MCOLN1: variants seen among roughly 807,000 people sequenced by gnomAD.
MCOLN1 encodes mucolipin-1.
A neutral mutation model predicts 70.3 loss-of-function variants in MCOLN1; 50 were observed. The observed-to-expected ratio is 0.71, with a 90% CI of 0.57 to 0.90. The LOEUF (loss-of-function observed/expected upper bound fraction) is 0.90, where lower values mean the gene tolerates loss of function less well. Ranked by LOEUF, MCOLN1 falls within the 40% of genes least tolerant of loss-of-function variation. The probability of loss-of-function intolerance (pLI) is 0.00; values close to 1 mark genes in which losing one functional copy is unlikely to be tolerated. For synonymous variants in MCOLN1, 366 were observed against 341.0 expected (o/e 1.07, Z -0.81); for missense variants, 598 against 803.5 (o/e 0.74, Z 3.09).
chr19:7,527,779 G>C, intron 5 of MCOLN1, 85 bp from the exon 6 acceptor site: 1 of 1,236,260 alleles, frequency 8.1e-7, no homozygotes. Context: ...CAGCTGCAGA[G>C]TCAGCACGTG....
intron 11 of MCOLN1, 74 bp downstream of exon 11, chr19:7,529,786 C>T (rs1388652993): frequency 9.5e-6 from 15 of 1,577,618 alleles, no homozygotes; most frequent in South Asian, 3.3e-5. Flanking sequence ...CCAGATGACC[C>T]CTTGGTGACT....
In MCOLN1 at chr19:7,528,092, C is replaced by A. The variant is rs1340780889; in HGVS notation, c.778-66C>A. 33 of 1,575,690 alleles carry A rather than the reference C, an allele frequency of 2.1e-5. No homozygotes were observed. The highest frequency in any genetic ancestry group is 1.3e-5 in the Non-Finnish European group (15 of 1,145,236). On this transcript the variant is annotated intron_variant, in intron 6 of 13. Transcript: ENST00000264079. This position sits in a 1 kb window ranked among gnomAD's most constrained non-coding sequence, Gnocchi z 4.2. Reference sequence around the variant, plus strand: ...AGGGAGCCCGGGGTCTGTCAGGCCACCTGTCATGTGGACCTTGGGGCTTGG... The same window carrying A: ...AGGGAGCCCGGGGTCTGTCAGGCCAACTGTCATGTGGACCTTGGGGCTTGG...
In MCOLN1 at chr19:7,528,740, C is replaced by T. The variant is rs376007058; in HGVS notation, c.984+37C>T. 23 of 1,614,068 alleles carry T rather than the reference C, an allele frequency of 1.4e-5. No individual in the cohort carries two copies. The highest frequency in any genetic ancestry group is 2.2e-5 in the East Asian group (1 of 44,884). On this transcript the variant is annotated intron_variant, in intron 8 of 13. Coordinates refer to ENST00000264079, the MANE Select transcript of MCOLN1 (RefSeq NM_020533.3). The surrounding 1 kb of genome is among the most constrained non-coding windows in gnomAD (Gnocchi z 4.2). ...GCGTCATGTGTGCTGGTGTCCTCCC[C>T]GCCTGGCCCTGGGGCGATAAAAGCC...
Position 7,533,859 on chromosome 19 carries a change from T to C in MCOLN1, c.*64T>C. The stretch of plus-strand genomic sequence containing the variant: ...CAGAGACCCCCGCCCCCGACCCCGC[T>C]TATTTATTTGTAGGGTTTGCTTTTA... On this transcript the variant is annotated 3_prime_UTR_variant, in exon 14 of 14. Transcript: ENST00000264079. 4 of 1,588,920 alleles carry C rather than the reference T, an allele frequency of 2.5e-6. No homozygotes were observed. The highest frequency in any genetic ancestry group is 2.6e-6 in the Non-Finnish European group (3 of 1,159,398).
At position 7,530,637 on chromosome 19, in the gene MCOLN1, A is replaced by G. The variant is rs543770812; in HGVS notation, c.1575+136A>G. The G allele has an allele frequency of 7.2e-4, 654 of 908,132 alleles. 2 individuals are homozygous for G. The highest frequency in any genetic ancestry group is 1.2e-3 in the South Asian group (90 of 74,378). 56.3% of individuals were successfully genotyped at this position (908,132 alleles called of 1,614,324 possible). On this transcript the variant is annotated intron_variant, in intron 12 of 13. Transcript: ENST00000264079. ...TGGGAGACTCTATGAAACCAAAAAG[A>G]GGGTGGTTCAGAACTGGGGGGCGCA...
In MCOLN1 at chr19:7,523,174, G is replaced by A. The variant is rs187324429; in HGVS notation, c.31+393G>A. Among the ~76,000 whole-genome samples, 8 of 152,358 alleles carry A rather than the reference G, an allele frequency of 5.3e-5. 1 individual carries two copies. The highest frequency in any genetic ancestry group is 2.6e-4 in the Admixed American group (4 of 15,308). On this transcript the variant is annotated intron_variant, in intron 1 of 13. Transcript: ENST00000264079. ...CCAGGCTTCCCCTCCTGATTCCAGG[G>A]GACAAATGCTCAGCTTCCCTAAGCT...
Position 7,529,576 on chromosome 19 carries a change from C to G in MCOLN1, c.1237-14C>G. On this transcript the variant is annotated splice_polypyrimidine_tract_variant and intron_variant, in intron 10 of 13. Transcript: ENST00000264079. ...GGCCACACCCTCAACGAGGCTCCCT[C>G]TGCCCCAACCCAGATCCTCATCGCC... The G allele has an allele frequency of 1.2e-6, 2 of 1,611,684 alleles. No homozygotes were observed. The highest frequency in any genetic ancestry group is 1.7e-6 in the Non-Finnish European group (2 of 1,179,016).
rs371987810 is a variant in MCOLN1, at chr19:7,524,001, G to A, written c.32-960G>A. ...AGATGGGGTCCCAGCTACTAACTAC[G>A]GGCATGAGCCGTCACACCTGACTAT... On this transcript the variant is annotated intron_variant, in intron 1 of 13. Coordinates refer to ENST00000264079, the MANE Select transcript of MCOLN1 (RefSeq NM_020533.3). The surrounding 1 kb of genome is among the most constrained non-coding windows in gnomAD (Gnocchi z 4.1). Among the ~76,000 whole-genome samples the A allele has an allele frequency of 6.2e-4, 94 of 152,076 alleles. No individual in the cohort carries two copies. Among genetic ancestry groups the A allele is most frequent in the Non-Finnish European group, 8.5e-4 (58 of 67,974 alleles).
At position 7,528,155 on chromosome 19, in the gene MCOLN1, C is replaced by G. The variant is rs768386737; in HGVS notation, c.778-3C>G. The G allele has an allele frequency of 5.6e-6, 9 of 1,614,096 alleles. No homozygotes were observed. The highest frequency in any genetic ancestry group is 5.1e-6 in the Non-Finnish European group (6 of 1,179,954). On this transcript the variant is annotated splice_polypyrimidine_tract_variant and splice_region_variant and intron_variant, in intron 6 of 13. Coordinates refer to ENST00000264079, the MANE Select transcript of MCOLN1 (RefSeq NM_020533.3). This position sits in a 1 kb window ranked among gnomAD's most constrained non-coding sequence, Gnocchi z 4.2. ...TTACTCTGCCCCCAACTGGCCCCCA[C>G]AGATCACGTTTGACAACAAAGCACA... is the stretch of plus-strand genomic sequence containing the variant.
At position 7,528,545 on chromosome 19, in the gene MCOLN1, C is replaced by T; in HGVS notation, c.878-52C>T. The T allele has an allele frequency of 2.5e-6, 4 of 1,610,980 alleles. No homozygotes were observed. Among genetic ancestry groups the T allele is most frequent in the Non-Finnish European group, 3.4e-6 (4 of 1,178,778 alleles). On this transcript the variant is annotated intron_variant, in intron 7 of 13. Coordinates refer to ENST00000264079, the MANE Select transcript of MCOLN1 (RefSeq NM_020533.3). This position sits in a 1 kb window ranked among gnomAD's most constrained non-coding sequence, Gnocchi z 4.2. ...AGCCTGGCCTGGCACCAATGCTAGC[C>T]TCCCAAGGCTCCATGCCATCCTTGG...
chr19:7,528,094 T>A lies in MCOLN1; in HGVS notation c.778-64T>A. 6.3e-7 allele frequency: 1 copy of A among 1,578,756 alleles called. No homozygotes were observed. The highest frequency in any genetic ancestry group is 1.3e-5 in the African/African-American group (1 of 74,276). On this transcript the variant is annotated intron_variant, in intron 6 of 13. Transcript: ENST00000264079. The surrounding 1 kb of genome is among the most constrained non-coding windows in gnomAD (Gnocchi z 4.2). ...GGAGCCCGGGGTCTGTCAGGCCACC[T>A]GTCATGTGGACCTTGGGGCTTGGGG...
At chr19:7,531,113 G>T (rs1440729561) in intron 12 of MCOLN1, among the ~76,000 whole-genome samples, 1 of 152,176 alleles carries the variant, frequency 6.6e-6, no homozygotes, top group Non-Finnish European at 1.5e-5. Flanking sequence ...ACCCAGGCTG[G>T]TTTCAAACTC....
chr19:7,522,670 C>T lies in MCOLN1; in HGVS notation c.-81C>T, dbSNP rs1447754946. The stretch of plus-strand genomic sequence containing the variant: ...GGTTTGAAGCCGCGCCGCGAGGGAG[C>T]GAGGTCGCAGTGACAGCGGCGGGCG... On this transcript the variant is annotated 5_prime_UTR_variant, in exon 1 of 14. Transcript: ENST00000264079. 3.7e-6 allele frequency: 5 copies of T among 1,363,810 alleles called. No individual in the cohort carries two copies. The highest frequency in any genetic ancestry group is 2.9e-5 in the South Asian group (2 of 68,682). 84.5% of individuals were successfully genotyped at this position (1,363,810 alleles called of 1,614,324 possible).
In MCOLN1 at chr19:7,522,717, C is replaced by T; in HGVS notation, c.-34C>T. 1 of 1,452,670 alleles carries T rather than the reference C, an allele frequency of 6.9e-7. No individual in the cohort carries two copies. The highest frequency in any genetic ancestry group is 9.0e-7 in the Non-Finnish European group (1 of 1,106,926). 90.0% of individuals were successfully genotyped at this position (1,452,670 alleles called of 1,614,324 possible). A position where few individuals can be genotyped will look rare whatever the true frequency, so the allele number is the denominator to read the frequency against. ...GGCGATCGGACCCAGGCTGCCCCGC[C>T]GTACCCGCCTGCGTCCCGCGCTCCC... is the stretch of plus-strand genomic sequence containing the variant. On this transcript the variant is annotated 5_prime_UTR_variant, in exon 1 of 14. Transcript: ENST00000264079.
chr19:7,527,382 G>T (rs780223304), intron 4 of MCOLN1, 138 bp from the exon 5 acceptor site: 1 of 686,102 alleles, frequency 1.5e-6, no homozygotes. Flanking sequence ...TAAAACATCC[G>T]CAGGCCCAGA....
In MCOLN1 at chr19:7,525,420, G is replaced by A; in HGVS notation, c.237+254G>A. The A allele has an allele frequency of 2.3e-6, 1 of 441,348 alleles. No individual in the cohort carries two copies. The highest frequency in any genetic ancestry group is 5.0e-5 in the East Asian group (1 of 20,086). The allele number at this position is 441,348 out of a possible 1,614,324, so 27.3% of individuals were successfully genotyped here. Reference sequence around the variant, plus strand: ...GAGGCAGGAGAATCGCTTGAATTGGGAGGCGGAGGTTGCCGTGAGCTGAAA... The same window carrying A: ...GAGGCAGGAGAATCGCTTGAATTGGAAGGCGGAGGTTGCCGTGAGCTGAAA... On this transcript the variant is annotated intron_variant, in intron 2 of 13. Coordinates refer to ENST00000264079, the MANE Select transcript of MCOLN1 (RefSeq NM_020533.3). The surrounding 1 kb of genome is among the most constrained non-coding windows in gnomAD (Gnocchi z 4.2).
intron 9 of MCOLN1, 46 bp downstream of exon 9, chr19:7,529,016 CAG>C (rs1197817797): frequency 6.2e-7 from 1 of 1,613,912 alleles, no homozygotes; most frequent in Non-Finnish European, 8.5e-7. Context: ...TCCCTGCTGT[CAG>C]TGCCTATCCG....
Position 7,524,851 on chromosome 19 carries a change from G to A in MCOLN1, c.32-110G>A. 1.1e-6 allele frequency: 1 copy of A among 879,440 alleles called. No homozygotes were observed. The highest frequency in any genetic ancestry group is 2.0e-5 in the Admixed American group (1 of 49,150). 54.5% of individuals were successfully genotyped at this position (879,440 alleles called of 1,614,324 possible). The stretch of plus-strand genomic sequence containing the variant: ...TTAGACCTCTCAGAGCTCTTCCTTG[G>A]CAGGAGCATGGGGACATGAAGATAG... On this transcript the variant is annotated intron_variant, in intron 1 of 13. Coordinates refer to ENST00000264079, the MANE Select transcript of MCOLN1 (RefSeq NM_020533.3). The surrounding 1 kb of genome is among the most constrained non-coding windows in gnomAD (Gnocchi z 4.1).
chr19:7,525,841 TCA>T lies in MCOLN1; in HGVS notation c.238-597_238-596del. 1 of 171,244 alleles carries T rather than the reference TCA, an allele frequency of 5.8e-6. No homozygotes were observed. Among genetic ancestry groups the T allele is most frequent in the East Asian group, 1.6e-4 (1 of 6,430 alleles). 10.6% of individuals were successfully genotyped at this position (171,244 alleles called of 1,614,324 possible). A position where few individuals can be genotyped will look rare whatever the true frequency, so the allele number is the denominator to read the frequency against. On this transcript the variant is annotated intron_variant, in intron 2 of 13. Coordinates refer to ENST00000264079, the MANE Select transcript of MCOLN1 (RefSeq NM_020533.3). The surrounding 1 kb of genome is among the most constrained non-coding windows in gnomAD (Gnocchi z 4.2). ...ACTTTGGGAGGCTGAGTTGGGTGGA[TCA>T]TTTGAGGCCAGGAGTTTGAGACCAG...
Sources: gnomAD v4.1 joint callset for allele counts (sites outside exome capture counted in the v4.1 genomes callset) on GRCh38, gnomAD v4.1.1 for gene constraint, Gnocchi (gnomAD v3.1) non-coding constraint, MANE v1.5 for transcripts, NCBI Gene and HGNC (gene_info 2026-07-23, HGNC 2026-07-21) for gene names.